The following HERC4 variants were observed in gnomAD, a reference collection of about 807,000 sequenced individuals.
HERC4 encodes the protein HECT and RLD domain containing E3 ubiquitin protein ligase 4, also known as probable E3 ubiquitin-protein ligase HERC4.
Under a neutral mutation model 124.3 loss-of-function variants are expected in HERC4, and 28 were observed. The observed-to-expected ratio is 0.23, with a 90% CI of 0.17 to 0.31. HERC4 has a LOEUF of 0.31. Among genes scored for constraint, HERC4 ranks in the 10% least tolerant of loss-of-function variants. The probability of loss-of-function intolerance (pLI) is 1.00; values close to 1 mark genes in which losing one functional copy is unlikely to be tolerated. For synonymous variants in HERC4, 407 were observed against 421.5 expected, an observed-to-expected ratio of 0.97 and a Z score of 0.42; for missense variants, 713 against 1,229.3, an observed-to-expected ratio of 0.58 and a Z score of 6.28.
chr10:67,955,472 TA>T (rs1305272062), intron 17 of HERC4: 1 of 183,066 alleles, frequency 5.5e-6, no homozygotes, highest in African/African-American at 2.4e-5. Context: ...AACAAACCTT[TA>T]AAGAGTATAA....
intron 8 of HERC4, among the ~76,000 whole-genome samples, chr10:68,024,609 T>G (rs2038805842): frequency 6.6e-6 from 1 of 152,154 alleles, no homozygotes; most frequent in African/African-American, 2.4e-5. Flanking sequence ...AAAAGTCTGA[T>G]GTTAAGAGGA....
At chr10:67,947,839 CTTTTTTT>C (rs34189806) in intron 19 of HERC4, among the ~76,000 whole-genome samples, 3 of 107,304 alleles carry the variant, frequency 2.8e-5, no homozygotes, top group Admixed American at 1.1e-4. Context: ...ACAATACACT[CTTTTTTT>C]TTTTTTTTTT....
intron 22 of HERC4, among the ~76,000 whole-genome samples, chr10:67,935,462 A>C (rs1454002356): frequency 1.3e-5 from 2 of 152,072 alleles, no homozygotes; most frequent in Non-Finnish European, 2.9e-5. Context: ...TTACATTTTA[A>C]ATGTTAGGCA....
intron 4 of HERC4, chr10:68,039,504 G>T (rs144378779): frequency 1.3e-6 from 2 of 1,550,442 alleles, no homozygotes; most frequent in Non-Finnish European, 1.7e-6. Context: ...GCAAATCAAA[G>T]TTTGAGCAGG....
intron 5 of HERC4, among the ~76,000 whole-genome samples, chr10:68,037,742 A>G (rs1458395525): frequency 2.0e-5 from 3 of 152,224 alleles, no homozygotes; most frequent in East Asian, 3.8e-4. Flanking sequence ...TCGAAGGTGT[A>G]TAAGACCTGT....
At chr10:67,933,668 AAC>A (rs2032060677) in intron 22 of HERC4, among the ~76,000 whole-genome samples, 1 of 152,182 alleles carries the variant, frequency 6.6e-6, no homozygotes, top group South Asian at 2.1e-4. Flanking sequence ...TCATTTTAAA[AAC>A]AGCTTTATTT....
chr10:67,941,669 C>CTTTTT (rs755666986), intron 19 of HERC4, among the ~76,000 whole-genome samples: 7 of 91,758 alleles, frequency 7.6e-5, no homozygotes, highest in Admixed American at 1.3e-4. Flanking sequence ...TAAAACACAA[C>CTTTTT]TTTTTTTTTT....
chr10:67,947,298 A>G (rs980015770), intron 19 of HERC4, among the ~76,000 whole-genome samples: 4 of 152,246 alleles, frequency 2.6e-5, no homozygotes, highest in Admixed American at 6.5e-5. Context: ...CCATGTAAAT[A>G]GTAACAAAAG....
Position 67,955,116 on chromosome 10 carries a change from C to G in HERC4, c.2040G>C (p.Gln680His), listed in dbSNP as rs2034057176. 2 of 1,580,410 alleles carry G rather than the reference C, an allele frequency of 1.3e-6. No individual in the cohort carries two copies. The highest frequency in any genetic ancestry group is 1.7e-6 in the Non-Finnish European group (2 of 1,167,614). ...AVLQMQMAIDQAHRQNVSSLF... is the reference protein window; with the variant it reads ...AVLQMQMAIDHAHRQNVSSLF... ...GAGAGGAGACATTCTGCCTGTGGGC[C>G]TGATCAATAGCCATCTGGAAAACAA... The change falls in exon 18 of 25, where the codon CAG (glutamine) becomes CAC (histidine). Residue 680 changes from glutamine to histidine, a missense_variant. By Grantham distance (24) the Gln-to-His change is conservative. Coordinates refer to ENST00000373700, the MANE Select transcript of HERC4 (RefSeq NM_015601.4).
At chr10:68,032,746 G>C in intron 7 of HERC4, 32 bp downstream of exon 7, 1 of 1,066,454 alleles carries the variant, frequency 9.4e-7, no homozygotes, top group Non-Finnish European at 1.5e-6. Context: ...ACTATGATGA[G>C]TAATAATAAA....
intron 3 of HERC4, among the ~76,000 whole-genome samples, chr10:68,052,573 A>AG (rs1421974794): frequency 1.3e-5 from 2 of 151,956 alleles, no homozygotes; most frequent in African/African-American, 4.8e-5. Flanking sequence ...AGGATAGACA[A>AG]GTCCAGGTTC....
At chr10:67,937,681 C>CTT (rs538781630) in intron 21 of HERC4, among the ~76,000 whole-genome samples, 13 of 136,482 alleles carry the variant, frequency 9.5e-5, no homozygotes, top group Admixed American at 2.2e-4. Flanking sequence ...TGGAGAGCAA[C>CTT]TTTTTTTTTT....
chr10:68,010,875 G>A (rs890286176), intron 9 of HERC4: 69 of 1,488,072 alleles, frequency 4.6e-5, no homozygotes, highest in Non-Finnish European at 5.7e-5. Flanking sequence ...AGATGTCCTG[G>A]GACTGGATGA....
chr10:67,930,273 A>T (rs2031650564), intron 23 of HERC4, among the ~76,000 whole-genome samples: 1 of 152,200 alleles, frequency 6.6e-6, no homozygotes, highest in South Asian at 2.1e-4. Context: ...CACACATACC[A>T]TAAAGTTTGT....
chr10:68,033,463 A>G (rs2039311970), intron 6 of HERC4, among the ~76,000 whole-genome samples: 1 of 152,248 alleles, frequency 6.6e-6, no homozygotes, highest in African/African-American at 2.4e-5. Context: ...AACTCAATGT[A>G]ATCATGAAAA....
Position 67,936,253 on chromosome 10 carries a change from T to A in HERC4, c.2572-18A>T, listed in dbSNP as rs764997152. 2.7e-6 allele frequency: 4 copies of A among 1,486,274 alleles called. No homozygotes were observed. The East Asian group carries it at 6.9e-5, about 26-fold the overall frequency. 92.1% of individuals were successfully genotyped at this position (1,486,274 alleles called of 1,614,324 possible). A position where few individuals can be genotyped will look rare whatever the true frequency, so the allele number is the denominator to read the frequency against. ...ACTGTGATCTATTAATTTAAATTTTTAAAAAAAGTCAATGTCAGACTCAAA... is the reference window on the plus strand; with the variant it reads ...ACTGTGATCTATTAATTTAAATTTTAAAAAAAAGTCAATGTCAGACTCAAA... On this transcript the variant is annotated intron_variant, in intron 21 of 24. Coordinates refer to ENST00000373700, the MANE Select transcript of HERC4 (RefSeq NM_015601.4).
chr10:67,951,131 AC>A (rs2132262374), intron 19 of HERC4, among the ~76,000 whole-genome samples: 1 of 152,292 alleles, frequency 6.6e-6, no homozygotes, highest in African/African-American at 2.4e-5. Flanking sequence ...AAAGCTTATT[AC>A]AACTGCCCCT....
At position 68,059,891 on chromosome 10, in the gene HERC4, AATATTATATATTAT is replaced by A. The variant is rs1297189936; in HGVS notation, c.226+12978_226+12991del. Among the ~76,000 whole-genome samples the A allele has an allele frequency of 2.6e-5, 2 of 77,206 alleles. 1 individual carries two copies. Among genetic ancestry groups the A allele is most frequent in the South Asian group, 7.6e-4 (2 of 2,634 alleles). 50.7% of individuals were successfully genotyped at this position (77,206 alleles called of 152,430 possible). ...ATATTATAATAATATTATATATCAT[AATATTATATATTAT>A]ATAATATTATATATCATAATATTAT... On this transcript the variant is annotated intron_variant, in intron 3 of 24. Coordinates refer to ENST00000373700, the MANE Select transcript of HERC4 (RefSeq NM_015601.4).
At chr10:68,072,764 C>A in intron 3 of HERC4, 119 bp downstream of exon 3, 1 of 647,762 alleles carries the variant, frequency 1.5e-6, no homozygotes, top group Non-Finnish European at 2.5e-6. Flanking sequence ...TACATAACTT[C>A]TACTTTGCTT....
Sources: gnomAD v4.1 joint callset for allele counts (sites outside exome capture counted in the v4.1 genomes callset) on GRCh38, gnomAD v4.1.1 for gene constraint, MANE v1.5 for transcripts, NCBI Gene and HGNC (gene_info 2026-07-23, HGNC 2026-07-21) for gene names.